FBN2: variants seen among roughly 807,000 people sequenced by gnomAD.
FBN2 encodes the protein fibrillin 2, also known as fibrillin-2.
FBN2 carries 105 observed loss-of-function variants against 355.6 expected under a neutral mutation model. The ratio of observed to expected loss-of-function variants is 0.30; its 90% confidence interval spans 0.25 to 0.35. FBN2 has a LOEUF of 0.35. Among genes scored for constraint, FBN2 ranks in the 10% least tolerant of loss-of-function variants. The probability of loss-of-function intolerance (pLI) is 1.00; values close to 1 mark genes in which losing one functional copy is unlikely to be tolerated. For synonymous variants in FBN2, 1,350 were observed against 1,301.2 expected, an observed-to-expected ratio of 1.04 and a Z score of -0.81; for missense variants, 3,280 against 3,758.7, an observed-to-expected ratio of 0.87 and a Z score of 3.33.
At chr5:128,375,877 A>T (rs1471987631) in intron 14 of FBN2, among the ~76,000 whole-genome samples, 1 of 152,032 alleles carries the variant, frequency 6.6e-6, no homozygotes, top group Non-Finnish European at 1.5e-5. Flanking sequence ...TTCCACAAAA[A>T]ATAAAACAAA....
chr5:128,269,669 A>G (rs1170122076), intron 62 of FBN2, among the ~76,000 whole-genome samples: 4 of 152,338 alleles, frequency 2.6e-5, no homozygotes, highest in Middle Eastern at 3.4e-3. Context: ...AATACAGCAA[A>G]CGAGGTATGA....
intron 15 of FBN2, among the ~76,000 whole-genome samples, chr5:128,371,599 T>C (rs1052528157): frequency 4.0e-5 from 6 of 149,616 alleles, no homozygotes; most frequent in African/African-American, 1.5e-4. Context: ...CGTGGCATGA[T>C]CTTGACTCAC....
intron 34 of FBN2, 63 bp from the exon 35 acceptor site, chr5:128,319,064 G>T: frequency 1.5e-6 from 2 of 1,329,456 alleles, no homozygotes; most frequent in Non-Finnish European, 2.2e-6. Context: ...TTAATGTAAT[G>T]TCTAACATTA....
At chr5:128,451,066 T>C (rs1754227726) in intron 6 of FBN2, among the ~76,000 whole-genome samples, 3 of 152,210 alleles carry the variant, frequency 2.0e-5, no homozygotes, top group Admixed American at 2.0e-4. Flanking sequence ...CTTGTTTTTC[T>C]TCATTATAAA....
rs767531338 is a variant in FBN2, at chr5:128,537,498, T to C, written c.106A>G (p.Lys36Glu). ...TAGQPQPPPP[K>E]PPRPQPPPQQ... ...GGCGGCGGCTGGGGCCGGGGCGGCT[T>C]GGGCGGAGGAGGCTGAGGCTGGCCG... The change falls in exon 1 of 65, where the codon AAG becomes GAG. Residue 36 changes from lysine (K) to glutamate (E), a missense_variant. By Grantham distance (56) the Lys-to-Glu change is moderately conservative. Coordinates refer to ENST00000262464, the MANE Select transcript of FBN2 (RefSeq NM_001999.4). The C allele has an allele frequency of 3.8e-6, 6 of 1,584,426 alleles. No individual in the cohort carries two copies. Among genetic ancestry groups the C allele is most frequent in the Non-Finnish European group, 5.1e-6 (6 of 1,168,064 alleles).
chr5:128,364,048 C>T (rs1418933516), intron 18 of FBN2, among the ~76,000 whole-genome samples: 1 of 152,184 alleles, frequency 6.6e-6, no homozygotes, highest in African/African-American at 2.4e-5. Flanking sequence ...ATGGGAAAAT[C>T]TTGCACTAAT....
chr5:128,508,804 T>C (rs1202238894), intron 5 of FBN2, among the ~76,000 whole-genome samples: 1 of 152,052 alleles, frequency 6.6e-6, no homozygotes, highest in Non-Finnish European at 1.5e-5. Flanking sequence ...CCCTTTTATA[T>C]ATTGGGAAAA....
At chr5:128,513,593 G>A (rs1756191416) in intron 5 of FBN2, among the ~76,000 whole-genome samples, 1 of 152,208 alleles carries the variant, frequency 6.6e-6, no homozygotes, top group South Asian at 2.1e-4. Context: ...CTACTGGGCT[G>A]CCAAAAGTTC....
At chr5:128,368,181 G>A (rs953242418) in intron 16 of FBN2, among the ~76,000 whole-genome samples, 3 of 151,836 alleles carry the variant, frequency 2.0e-5, no homozygotes, top group African/African-American at 4.8e-5. Context: ...TTGCCTGCCT[G>A]TATTCTCAAC....
chr5:128,520,972 A>T (rs942428517), intron 4 of FBN2, among the ~76,000 whole-genome samples: 4 of 152,178 alleles, frequency 2.6e-5, no homozygotes, highest in Non-Finnish European at 5.9e-5. Context: ...ATAAAGATGG[A>T]TGGGAAGGTG....
At chr5:128,289,856 T>A (rs754574755) in intron 51 of FBN2, 26 bp downstream of exon 51, 2 of 1,353,726 alleles carry the variant, frequency 1.5e-6, no homozygotes, top group Non-Finnish European at 2.1e-6. Flanking sequence ...AATAAGAATA[T>A]AGGAATAAAA....
chr5:128,429,479 C>T (rs1163395550), intron 7 of FBN2, among the ~76,000 whole-genome samples: 1 of 152,104 alleles, frequency 6.6e-6, no homozygotes, highest in Non-Finnish European at 1.5e-5. Flanking sequence ...GAAATCCACA[C>T]CATTTTTAAA....
chr5:128,515,401 A>C (rs575256588), intron 5 of FBN2, among the ~76,000 whole-genome samples: 7 of 152,306 alleles, frequency 4.6e-5, no homozygotes, highest in African/African-American at 1.4e-4. Flanking sequence ...CACATCTGCT[A>C]AATGTCCTGG....
At chr5:128,518,692 A>G (rs1756351517) in intron 5 of FBN2, among the ~76,000 whole-genome samples, 1 of 152,156 alleles carries the variant, frequency 6.6e-6, no homozygotes, top group Non-Finnish European at 1.5e-5. Flanking sequence ...AAGAAGAAAC[A>G]TGTTTCCTTA....
chr5:128,355,272 C>A (rs995914704), intron 20 of FBN2, among the ~76,000 whole-genome samples: 1 of 152,054 alleles, frequency 6.6e-6, no homozygotes, highest in Non-Finnish European at 1.5e-5. Flanking sequence ...GAAGACAGAG[C>A]GCAGACCCAA....
At chr5:128,383,567 A>G (rs1752290670) in intron 11 of FBN2, among the ~76,000 whole-genome samples, 1 of 152,124 alleles carries the variant, frequency 6.6e-6, no homozygotes, top group South Asian at 2.1e-4. Context: ...TAAATCATAT[A>G]TTTGATAAGG....
At chr5:128,290,545 T>TA (rs1286903931) in intron 50 of FBN2, among the ~76,000 whole-genome samples, 187 bp downstream of exon 50, 5 of 152,222 alleles carry the variant, frequency 3.3e-5, no homozygotes, top group African/African-American at 1.2e-4. Context: ...CACCTGTGCT[T>TA]AGACATGTCT....
chr5:128,376,461 T>C (rs1752080129), intron 14 of FBN2, among the ~76,000 whole-genome samples: 1 of 152,250 alleles, frequency 6.6e-6, no homozygotes, highest in Non-Finnish European at 1.5e-5. Context: ...AAATTATTTC[T>C]ACGTTGTTTT....
At chr5:128,498,348 T>C (rs558144909) in intron 5 of FBN2, among the ~76,000 whole-genome samples, 1 of 152,336 alleles carries the variant, frequency 6.6e-6, no homozygotes, top group East Asian at 1.9e-4. Flanking sequence ...TATAGCACTT[T>C]CCACTGGGAT....
Sources: gnomAD v4.1 joint callset for allele counts (sites outside exome capture counted in the v4.1 genomes callset) on GRCh38, gnomAD v4.1.1 for gene constraint, MANE v1.5 for transcripts, NCBI Gene and HGNC (gene_info 2026-07-23, HGNC 2026-07-21) for gene names.